The following PRSS56 variants were observed in gnomAD, a reference collection of about 807,000 sequenced individuals.
PRSS56 encodes the protein serine protease 56, also known as protease, serine 56.
A neutral mutation model predicts 66.8 loss-of-function variants in PRSS56; 55 were observed. The observed-to-expected ratio is 0.82, with a 90% CI of 0.66 to 1.03. PRSS56 has a LOEUF of 1.03. Ranked by LOEUF, PRSS56 falls within the 50% of genes least tolerant of loss-of-function variation. The pLI is 0.00. For missense variants in PRSS56, 869 were observed against 837.2 expected (o/e 1.04, Z -0.47); for synonymous variants, 409 against 387.9 (o/e 1.05, Z -0.64).
Position 232,523,141 on chromosome 2 carries a change from G to GGCT in PRSS56, c.791_793dup (p.Leu264dup). Reference sequence around the variant, plus strand: ...ACCTGCCGAAGAGCCCTGGGGCCCGGGCTGCGCCCCAGCACCATGCTCTGC... The same window carrying GGCT: ...ACCTGCCGAAGAGCCCTGGGGCCCGGGCTGCTGCGCCCCAGCACCATGCTCTGC... On this transcript the variant is annotated inframe_insertion, in exon 7 of 13. Coordinates refer to ENST00000617714, the MANE Select transcript of PRSS56 (RefSeq NM_001195129.2). 6.5e-7 allele frequency: 1 copy of GGCT among 1,532,384 alleles called. No homozygotes were observed. Among genetic ancestry groups the GGCT allele is most frequent in the Non-Finnish European group, 8.7e-7 (1 of 1,144,884 alleles). The allele number at this position is 1,532,384 out of a possible 1,614,324, so 94.9% of individuals were successfully genotyped here. A position where few individuals can be genotyped will look rare whatever the true frequency, so the allele number is the denominator to read the frequency against.
chr2:232,522,613 A>T lies in PRSS56; in HGVS notation c.545A>T (p.Lys182Met), dbSNP rs765192382. The change falls in exon 5 of 13, where the codon AAG becomes ATG. Residue 182 changes from lysine to methionine, a missense_variant and splice_region_variant. Physicochemically the swap from Lys to Met is moderately conservative, Grantham distance 95 (BLOSUM62 -1). Around this residue, in one of 3 missense-constraint regions of PRSS56, gnomAD observed 315 missense variants for 313.7 expected, o/e 1.00. Transcript: ENST00000617714. ...GTGAACCGCATCCTGCCCCACCCCA[A>T]GGTGAGAAGGCAGTCCCCAGGCCCC... ...VPVNRILPHP[K>M]FDPRTFHNDL... 1.3e-5 allele frequency: 20 copies of T among 1,534,672 alleles called. No individual in the cohort carries two copies. In the South Asian group the frequency reaches 1.7e-4, roughly 13 times the overall value.
intron 5 of PRSS56, 38 bp downstream of exon 5, chr2:232,522,652 C>T (rs926367688): frequency 2.0e-6 from 3 of 1,531,996 alleles, no homozygotes; most frequent in African/African-American, 2.7e-5. Context: ...GGCTGGGCAC[C>T]GCACCCCCAC....
rs1463576722 is a variant in PRSS56, at chr2:232,525,545, G to A, written c.*39G>A. 1 of 1,373,350 alleles carries A rather than the reference G, an allele frequency of 7.3e-7. No individual in the cohort carries two copies. 85.1% of individuals were successfully genotyped at this position (1,373,350 alleles called of 1,614,324 possible). A position where few individuals can be genotyped will look rare whatever the true frequency, so the allele number is the denominator to read the frequency against. Reference sequence around the variant, plus strand: ...CCCCAGCCCCTGGGGAGGACCTACTGCTCCCAGGGGCTGAGAGGGGTTCGG... The same window carrying A: ...CCCCAGCCCCTGGGGAGGACCTACTACTCCCAGGGGCTGAGAGGGGTTCGG... On this transcript the variant is annotated 3_prime_UTR_variant, in exon 13 of 13. Coordinates refer to ENST00000617714, the MANE Select transcript of PRSS56 (RefSeq NM_001195129.2).
At position 232,521,801 on chromosome 2, in the gene PRSS56, T is replaced by A; in HGVS notation, c.206-15T>A. ...AGAGGGCAGCAGTGAGACTCAAAGG[T>A]CTGTTTCTCTGCAGGATCTGGGCGC... On this transcript the variant is annotated splice_polypyrimidine_tract_variant and intron_variant, in intron 2 of 12. Coordinates refer to ENST00000617714, the MANE Select transcript of PRSS56 (RefSeq NM_001195129.2). The A allele has an allele frequency of 6.5e-7, 1 of 1,535,560 alleles. No individual in the cohort carries two copies. The highest frequency in any genetic ancestry group is 8.7e-7 in the Non-Finnish European group (1 of 1,146,648).
intron 4 of PRSS56, 139 bp from the exon 5 acceptor site, chr2:232,522,376 G>T: frequency 1.1e-6 from 1 of 886,548 alleles, no homozygotes; most frequent in Middle Eastern, 3.6e-4. Flanking sequence ...CCCCCTCTGG[G>T]ACGGGACCCC....
In PRSS56 at chr2:232,525,538, A is replaced by G; in HGVS notation, c.*32A>G. ...TCTGGGCCCCCAGCCCCTGGGGAGG[A>G]CCTACTGCTCCCAGGGGCTGAGAGG... is the stretch of plus-strand genomic sequence containing the variant. On this transcript the variant is annotated 3_prime_UTR_variant, in exon 13 of 13. Transcript: ENST00000617714. 7.5e-7 allele frequency: 1 copy of G among 1,334,168 alleles called. No homozygotes were observed. The highest frequency in any genetic ancestry group is 1.5e-5 in the South Asian group (1 of 67,000). The allele number at this position is 1,334,168 out of a possible 1,614,324, so 82.6% of individuals were successfully genotyped here.
chr2:232,522,983 A>AG (rs1691317822), intron 6 of PRSS56, 77 bp from the exon 7 acceptor site: 9 of 1,056,722 alleles, frequency 8.5e-6, no homozygotes, highest in Middle Eastern at 2.4e-4. Flanking sequence ...GGAGGAATCA[A>AG]GGGGGGTGGT....
At chr2:232,523,750 A>T in intron 8 of PRSS56, 22 bp from the exon 9 acceptor site, 1 of 1,533,448 alleles carries the variant, frequency 6.5e-7, no homozygotes, top group Non-Finnish European at 8.7e-7. Context: ...GGGTGAGCTG[A>T]CCCCTGTCCC....
chr2:232,524,105 G>A lies in PRSS56; in HGVS notation c.1253G>A (p.Arg418His), dbSNP rs1183347433. Residue 418 changes from arginine (R) to histidine (H), a missense_variant, in exon 10 of 13, where the codon CGT (arginine) becomes CAT (histidine). Arg to His is a conservative substitution (Grantham distance 29). This residue lies in a region of PRSS56 where 551 missense variants were observed against 506.9 expected (regional missense o/e 1.09). Coordinates refer to ENST00000617714, the MANE Select transcript of PRSS56 (RefSeq NM_001195129.2). ...AACGCGCAGGAGCTGCTCGGGCCTCGTCCGGGACTGCGGCGCCTGGCCCCC... is the reference window on the plus strand; with the variant it reads ...AACGCGCAGGAGCTGCTCGGGCCTCATCCGGGACTGCGGCGCCTGGCCCCC... ...LRNAQELLGP[R>H]PGLRRLAPAL... The A allele has an allele frequency of 5.9e-6, 9 of 1,517,240 alleles. No individual in the cohort carries two copies. Among genetic ancestry groups the A allele is most frequent in the East Asian group, 2.6e-5 (1 of 38,970 alleles). 94.0% of individuals were successfully genotyped at this position (1,517,240 alleles called of 1,614,324 possible). A position where few individuals can be genotyped will look rare whatever the true frequency, so the allele number is the denominator to read the frequency against.
chr2:232,522,442 G>A (rs1691301818), intron 4 of PRSS56, 73 bp from the exon 5 acceptor site: 1 of 1,304,092 alleles, frequency 7.7e-7, no homozygotes, highest in Non-Finnish European at 1.0e-6. Flanking sequence ...GCGGGCGGAG[G>A]GGCAGGGTCT....
chr2:232,523,645 T>C, intron 8 of PRSS56, 67 bp downstream of exon 8: 6 of 1,504,294 alleles, frequency 4.0e-6, no homozygotes, highest in Non-Finnish European at 5.3e-6. Context: ...CAAGCCCGTT[T>C]CCACCCGGCC....
At position 232,521,333 on chromosome 2, in the gene PRSS56, A is replaced by T. The variant is rs1308320534; in HGVS notation, c.110A>T (p.Gln37Leu). 6.5e-7 allele frequency: 1 copy of T among 1,536,004 alleles called. No homozygotes were observed. The highest frequency in any genetic ancestry group is 1.2e-5 in the South Asian group (1 of 84,064). The change falls in exon 2 of 13, where the codon CAG (glutamine) becomes CTG (leucine). Residue 37 changes from glutamine to leucine, a missense_variant. By Grantham distance (113) the Gln-to-Leu change is moderately radical. Transcript: ENST00000617714. The part of the protein sequence containing the change: ...PPSALQVLSA[Q>L]GTQALQAAQR... ...CCTGTCCCAGCAGTTCTGTCGGCCCAGGGGACTCAGGCGTTGCAGGCAGCC... is the reference window on the plus strand; with the variant it reads ...CCTGTCCCAGCAGTTCTGTCGGCCCTGGGGACTCAGGCGTTGCAGGCAGCC...
At position 232,524,310 on chromosome 2, in the gene PRSS56, C is replaced by T; in HGVS notation, c.1355C>T (p.Ser452Leu). The T allele has an allele frequency of 1.3e-6, 2 of 1,535,770 alleles. No homozygotes were observed. Among genetic ancestry groups the T allele is most frequent in the Non-Finnish European group, 8.7e-7 (1 of 1,146,840 alleles). The part of the protein sequence containing the change: ...PARELRLHSG[S>L]RAAGTRFPKR... ...CCCTAACCCTGTGCCTCCCCAGGAT[C>T]GCGGGCTGCAGGCACTCGGTTCCCG... The change falls in exon 11 of 13, where the codon TCG becomes TTG. Residue 452 changes from serine (S) to leucine (L), a missense_variant. Physicochemically the swap from Ser to Leu is moderately radical, Grantham distance 145. Transcript: ENST00000617714.
chr2:232,523,391 A>C, intron 7 of PRSS56, 25 bp from the exon 8 acceptor site: 2 of 1,434,380 alleles, frequency 1.4e-6, no homozygotes, highest in Non-Finnish European at 1.8e-6. Flanking sequence ...AGGTGAATGC[A>C]GCGTCCTCTC....
At chr2:232,523,748 T>G in intron 8 of PRSS56, 24 bp from the exon 9 acceptor site, 3 of 1,533,922 alleles carry the variant, frequency 2.0e-6, no homozygotes, top group Non-Finnish European at 2.6e-6. Context: ...GAGGGTGAGC[T>G]GACCCCTGTC....
At position 232,521,423 on chromosome 2, in the gene PRSS56, G is replaced by A; in HGVS notation, c.200G>A (p.Cys67Tyr). 6.5e-7 allele frequency: 1 copy of A among 1,535,812 alleles called. No homozygotes were observed. The highest frequency in any genetic ancestry group is 8.7e-7 in the Non-Finnish European group (1 of 1,146,620). Reference sequence around the variant, plus strand: ...GAGATCCAGCACAGATCGCACGAGTGCCGAGGTGCCCACCCTGCCCCCCGT... The same window carrying A: ...GAGATCCAGCACAGATCGCACGAGTACCGAGGTGCCCACCCTGCCCCCCGT... ...AMEIQHRSHECRGSGRPRPQA... is the reference protein window; with the variant it reads ...AMEIQHRSHEYRGSGRPRPQA... Residue 67 changes from cysteine (C) to tyrosine (Y), a missense_variant, in exon 2 of 13, where the codon TGC becomes TAC. Physicochemically the swap from Cys to Tyr is radical, Grantham distance 194. Coordinates refer to ENST00000617714, the MANE Select transcript of PRSS56 (RefSeq NM_001195129.2).
At chr2:232,523,381 A>G (rs1691328668) in intron 7 of PRSS56, 35 bp from the exon 8 acceptor site, 3 of 1,431,928 alleles carry the variant, frequency 2.1e-6, no homozygotes, top group Non-Finnish European at 2.7e-6. Flanking sequence ...CATAGGGGGC[A>G]GGTGAATGCA....
rs1455417476 is a variant in PRSS56, at chr2:232,524,303, C to T, written c.1352-4C>T. On this transcript the variant is annotated splice_polypyrimidine_tract_variant and splice_region_variant and intron_variant, in intron 10 of 12. Coordinates refer to ENST00000617714, the MANE Select transcript of PRSS56 (RefSeq NM_001195129.2). ...GGCGGTACCCTAACCCTGTGCCTCC[C>T]CAGGATCGCGGGCTGCAGGCACTCG... The T allele has an allele frequency of 3.8e-5, 59 of 1,535,660 alleles. No homozygotes were observed. Among genetic ancestry groups the T allele is most frequent in the Admixed American group, 5.9e-5 (3 of 50,976 alleles).
intron 12 of PRSS56, 142 bp downstream of exon 12, chr2:232,524,986 G>A (rs1691388904): frequency 2.5e-6 from 2 of 807,900 alleles, no homozygotes; most frequent in East Asian, 2.7e-5. Context: ...GTAGGTAGAG[G>A]GTCCGAGGGG....
Sources: allele counts gnomAD v4.1 joint callset, GRCh38; gene constraint gnomAD v4.1.1; regional missense constraint gnomAD v4.1.1; transcripts MANE v1.5; gene names NCBI Gene and HGNC (gene_info 2026-07-23, HGNC 2026-07-21).